The following ADCY9 variants were observed in gnomAD, a reference collection of about 807,000 sequenced individuals.
ADCY9 encodes adenylate cyclase type 9.
Under a neutral mutation model 101.5 loss-of-function variants are expected in ADCY9, and 50 were observed. The observed-to-expected ratio is 0.49, with a 90% confidence interval of 0.39 to 0.62. The LOEUF is 0.62. Among genes scored for constraint, ADCY9 ranks in the 20% least tolerant of loss-of-function variants. The pLI is 0.00. For missense variants in ADCY9, 1,662 were observed against 1,800.4 expected, an observed-to-expected ratio of 0.92 and a Z score of 1.39; for synonymous variants, 905 against 769.3, an observed-to-expected ratio of 1.18 and a Z score of -2.92.
chr16:4,059,425 A>T (rs911392201), intron 2 of ADCY9, among the ~76,000 whole-genome samples: 1 of 151,616 alleles, frequency 6.6e-6, no homozygotes, highest in Admixed American at 6.6e-5. Context: ...AAGTTAGAAG[A>T]AAAAACCAAA....
In ADCY9 at chr16:4,028,976, G is replaced by A. The variant is rs144435286; in HGVS notation, c.1694-21418C>T. 6.8e-3 allele frequency among the ~76,000 whole-genome samples: 1,039 copies of A among 151,998 alleles called. 13 individuals carry two copies. Among genetic ancestry groups the A allele is most frequent in the African/African-American group, 0.024 (980 of 41,470 alleles). ...ATTTTCGTATTTTTAGTAGAGACGG[G>A]GTTTCACCATCTTGGTCAGGCTGGT... On this transcript the variant is annotated intron_variant, in intron 2 of 10. Coordinates refer to ENST00000294016, the MANE Select transcript of ADCY9 (RefSeq NM_001116.4).
intron 2 of ADCY9, among the ~76,000 whole-genome samples, chr16:4,039,577 G>T (rs929736065): frequency 6.6e-6 from 1 of 151,222 alleles, no homozygotes; most frequent in Middle Eastern, 3.4e-3. Context: ...TACTCGGGAC[G>T]CTGAGATAGG....
In ADCY9 at chr16:3,963,336, C is replaced by A. The variant is rs897021160; in HGVS notation, c.*2439G>T. On this transcript the variant is annotated 3_prime_UTR_variant, in exon 11 of 11. Coordinates refer to ENST00000294016, the MANE Select transcript of ADCY9 (RefSeq NM_001116.4). ...TGCTTAGAAACTCGTGTCTCCAGCA[C>A]GATGTGCTCGCTGCCAACAGACAAG... 5.0e-6 allele frequency: 2 copies of A among 398,804 alleles called. No individual in the cohort carries two copies. Among genetic ancestry groups the A allele is most frequent in the Non-Finnish European group, 8.8e-6 (2 of 226,018 alleles). 24.7% of individuals were successfully genotyped at this position (398,804 alleles called of 1,614,324 possible).
At chr16:4,081,818 C>T in intron 2 of ADCY9, among the ~76,000 whole-genome samples, 6 of 120,274 alleles carry the variant, frequency 5.0e-5, no homozygotes, top group African/African-American at 1.3e-4. Flanking sequence ...AAGAGGGGGG[C>T]AGCAGGGGAG....
At chr16:4,007,271 T>C (rs1170420915) in intron 3 of ADCY9, 97 bp downstream of exon 3, 1 of 1,071,058 alleles carries the variant, frequency 9.3e-7, no homozygotes, top group Non-Finnish European at 1.3e-6. Flanking sequence ...TCCAAGTTGT[T>C]TGCCTCAGAC....
rs144265147 is a variant in ADCY9, at chr16:4,053,496, G to A, written c.1694-45938C>T. Among the ~76,000 whole-genome samples the A allele has an allele frequency of 5.3e-5, 8 of 152,302 alleles. No individual in the cohort carries two copies. The East Asian group carries it at 7.7e-4, about 15-fold the overall frequency. On this transcript the variant is annotated intron_variant, in intron 2 of 10. Coordinates refer to ENST00000294016, the MANE Select transcript of ADCY9 (RefSeq NM_001116.4). ...CCTTCCTCTGGAGCGCTTCACGTGCGAGCCCGCCGTCTATTTATAACAGTT... is the reference window on the plus strand; with the variant it reads ...CCTTCCTCTGGAGCGCTTCACGTGCAAGCCCGCCGTCTATTTATAACAGTT...
chr16:3,967,861 C>T (rs544689738), intron 10 of ADCY9, among the ~76,000 whole-genome samples: 1 of 151,896 alleles, frequency 6.6e-6, no homozygotes, highest in South Asian at 2.1e-4. Context: ...CCATGCCTGG[C>T]TAATTTTTGT....
intron 2 of ADCY9, among the ~76,000 whole-genome samples, chr16:4,021,295 A>T (rs885697): frequency 2.6e-5 from 4 of 152,224 alleles, no homozygotes; most frequent in African/African-American, 2.4e-5. Context: ...TGGCAGAGAC[A>T]GACAAGGCCA....
intron 2 of ADCY9, among the ~76,000 whole-genome samples, chr16:4,035,486 C>T (rs186984449): frequency 1.3e-5 from 2 of 152,130 alleles, no homozygotes; most frequent in Admixed American, 1.3e-4. Context: ...CAAAAGTCAG[C>T]CATACTCAAT....
intron 2 of ADCY9, among the ~76,000 whole-genome samples, chr16:4,086,038 C>T (rs1242614881): frequency 1.3e-5 from 2 of 152,012 alleles, no homozygotes; most frequent in Admixed American, 1.3e-4. Context: ...AGGCAGTCAA[C>T]CAGCCCTGGT....
Position 4,074,144 on chromosome 16 carries a change from T to C in ADCY9, c.1693+39606A>G, listed in dbSNP as rs141448600. Among the ~76,000 whole-genome samples, 70 of 152,184 alleles carry C rather than the reference T, an allele frequency of 4.6e-4. No homozygotes were observed. The East Asian group carries it at 0.013, about 27-fold the overall frequency. ...AAGGTAATTTTCTGTAAAAATAACA[T>C]GTTATGAGGTTTATAATATATATAA... On this transcript the variant is annotated intron_variant, in intron 2 of 10. Transcript: ENST00000294016.
At chr16:4,038,768 C>T (rs1295270152) in intron 2 of ADCY9, among the ~76,000 whole-genome samples, 1 of 151,994 alleles carries the variant, frequency 6.6e-6, no homozygotes, top group African/African-American at 2.4e-5. Context: ...ACTTTCTTCT[C>T]CTTCCTTTCC....
rs149043352 is a variant in ADCY9, at chr16:3,954,856, T to C, written c.568-1340A>G. On this transcript the variant is annotated intron_variant, in intron 5 of 5. Transcript: ENST00000576936. ...TTGGTTGGGAACACAGCCAACTCTT[T>C]TGGAGTTTTGTTAACTATCCCGAGG... 7.1e-3 allele frequency among the ~76,000 whole-genome samples: 1,081 copies of C among 152,260 alleles called. 17 individuals carry two copies. The highest frequency in any genetic ancestry group is 0.025 in the African/African-American group (1,031 of 41,552).
intron 2 of ADCY9, among the ~76,000 whole-genome samples, chr16:4,035,089 T>G (rs531651824): frequency 1.3e-5 from 2 of 152,330 alleles, no homozygotes; most frequent in African/African-American, 2.4e-5. Context: ...AACGGAGATG[T>G]GACACGATCA....
chr16:3,988,951 C>T (rs3730126), intron 6 of ADCY9, 43 bp downstream of exon 6: 85,099 of 1,465,346 alleles, frequency 0.058, 2,874 homozygotes, highest in Admixed American at 0.1. Flanking sequence ...GTGAGAACAA[C>T]AAACACATTC....
chr16:3,983,389 G>A lies in ADCY9; in HGVS notation c.2362C>T (p.Leu788Phe), dbSNP rs1567422183. The change falls in exon 7 of 11, where the codon CTC becomes TTC. Residue 788 changes from leucine (L) to phenylalanine (F), a missense_variant. Coordinates refer to ENST00000294016, the MANE Select transcript of ADCY9 (RefSeq NM_001116.4). The part of the protein sequence containing the change: ...KTFASPTFSS[L>F]LDVFLSTTVF... ...GTGGTCGACAGAAACACATCCAGGA[G>A]GGAGCTGAAGGTGGGACTAGCAAAC... is the stretch of plus-strand genomic sequence containing the variant. 7 of 1,608,402 alleles carry A rather than the reference G, an allele frequency of 4.4e-6. No individual in the cohort carries two copies. The highest frequency in any genetic ancestry group is 2.2e-5 in the East Asian group (1 of 44,688).
intron 2 of ADCY9, among the ~76,000 whole-genome samples, chr16:4,034,746 G>T (rs1335189066): frequency 6.6e-6 from 1 of 152,118 alleles, no homozygotes; most frequent in African/African-American, 2.4e-5. Context: ...CTATCTGAGT[G>T]GTTATCCGTT....
rs1460464201 is a variant in ADCY9 at position 4,115,808 on chromosome 16, C to T, written c.-162G>A. On this transcript the variant is annotated 5_prime_UTR_variant, in exon 1 of 11. Coordinates refer to ENST00000294016, the MANE Select transcript of ADCY9 (RefSeq NM_001116.4). The surrounding 1 kb of genome is among the most constrained non-coding windows in gnomAD (Gnocchi z 6.2). ...TCCGCGCCGCGCGGCTTCTCCTCCT[C>T]GCGCGCTCGCCTCCTCCAGCTGCGG... 2 of 400,458 alleles carry T rather than the reference C, an allele frequency of 5.0e-6. No homozygotes were observed. Among genetic ancestry groups the T allele is most frequent in the Non-Finnish European group, 8.8e-6 (2 of 227,640 alleles). 24.8% of individuals were successfully genotyped at this position (400,458 alleles called of 1,614,324 possible).
intron 2 of ADCY9, among the ~76,000 whole-genome samples, chr16:4,072,860 G>A (rs532989639): frequency 6.6e-6 from 1 of 151,598 alleles, no homozygotes; most frequent in Non-Finnish European, 1.5e-5. Context: ...ACATTCAGAG[G>A]AACAAAGAAA....
Sources: gnomAD v4.1 joint callset for allele counts (sites outside exome capture counted in the v4.1 genomes callset) on GRCh38, gnomAD v4.1.1 for gene constraint, Gnocchi (gnomAD v3.1) non-coding constraint, MANE v1.5 for transcripts, NCBI Gene and HGNC (gene_info 2026-07-23, HGNC 2026-07-21) for gene names.